Variants in NR4A1 observed in about 807,000 individuals in gnomAD.
The protein encoded by NR4A1 is nuclear receptor subfamily 4immunitygroup A member 1.
Under a neutral mutation model 47.5 loss-of-function variants are expected in NR4A1, and 24 were observed. That is an observed-to-expected ratio of 0.50 (90% CI 0.37 to 0.71). The LOEUF (loss-of-function observed/expected upper bound fraction) is 0.71. Ranked by LOEUF, NR4A1 falls within the 30% of genes least tolerant of loss-of-function variation. The pLI, the probability that NR4A1 is intolerant of heterozygous loss-of-function variation, is 0.00. For missense variants in NR4A1, 669 were observed against 788.6 expected (o/e 0.85, Z 1.82); for synonymous variants, 353 against 345.7 (o/e 1.02, Z -0.24).
intron 1 of NR4A1, chr12:52,037,949 T>C (rs1318977742): frequency 7.6e-6 from 3 of 392,684 alleles, no homozygotes; most frequent in African/African-American, 5.8e-5. Context: ...ATCTTCCTTA[T>C]ACTGGGTGGG....
chr12:52,056,357 A>C (rs906092083), intron 3 of NR4A1, 137 bp from the exon 4 acceptor site: 26 of 1,390,356 alleles, frequency 1.9e-5, no homozygotes, highest in Non-Finnish European at 2.5e-5. Flanking sequence ...GGAGGTTCCT[A>C]TAGGGTACCT....
chr12:52,039,259 T>G (rs1334057076), intron 1 of NR4A1, among the ~76,000 whole-genome samples: 1 of 152,230 alleles, frequency 6.6e-6, no homozygotes, highest in Non-Finnish European at 1.5e-5. Flanking sequence ...AATAGTAATA[T>G]GCCCACTTCT....
rs558203081 is a variant in NR4A1, at chr12:52,055,525, A to C, written c.876+321A>C. 9.3e-5 allele frequency: 52 copies of C among 560,702 alleles called. 1 individual carries two copies. In the South Asian group the frequency reaches 1.3e-3, roughly 14 times the overall value. 34.7% of individuals were successfully genotyped at this position (560,702 alleles called of 1,614,324 possible). ...CCTCTGCCTGTCCTCTCCCAACTCA[A>C]GGTTCTAGTGGGAAGGGGTGCCCCC... On this transcript the variant is annotated intron_variant, in intron 2 of 6. Coordinates refer to ENST00000394825, the MANE Select transcript of NR4A1 (RefSeq NM_173157.3).
intron 1 of NR4A1, among the ~76,000 whole-genome samples, chr12:52,034,899 G>C (rs1021365009): frequency 1.2e-4 from 18 of 152,220 alleles, no homozygotes; most frequent in African/African-American, 4.3e-4. Context: ...TGATGTGCCA[G>C]ACTCCGCTTC....
At chr12:52,051,368 C>A (rs1188649685), upstream of NR4A1, 9 of 985,036 alleles carry the variant, frequency 9.1e-6, no homozygotes, top group African/African-American at 1.7e-5. Flanking sequence ...CGACGGGCGG[C>A]CTGCGTCAGT....
intron 1 of NR4A1, 96 bp from the exon 2 acceptor site, chr12:52,054,231 C>A: frequency 9.4e-7 from 1 of 1,067,896 alleles, no homozygotes. Context: ...GGATTCCTGC[C>A]ACCTTGCTGC....
chr12:52,052,751 G>C lies in NR4A1; in HGVS notation c.-3+1183G>C, dbSNP rs1939052204. ...AGGTGGAGAAACAGGATTTGAATAA[G>C]GCAGGAACAAGCGCCCAGTTCTGCC... On this transcript the variant is annotated intron_variant, in intron 1 of 6. Transcript: ENST00000394825. The C allele has an allele frequency of 3.7e-6, 3 of 806,246 alleles. No homozygotes were observed. The Admixed American group carries it at 1.9e-4, about 50-fold the overall frequency. 49.9% of individuals were successfully genotyped at this position (806,246 alleles called of 1,614,324 possible). A position where few individuals can be genotyped will look rare whatever the true frequency, so the allele number is the denominator to read the frequency against.
chr12:52,045,633 A>G, intron 2 of NR4A1: 2 of 405,054 alleles, frequency 4.9e-6, no homozygotes, highest in Non-Finnish European at 1.0e-5. Flanking sequence ...AGGACAAGGG[A>G]CTGGCCTCAG....
chr12:52,047,342 TCA>T (rs1378561665), upstream of NR4A1, among the ~76,000 whole-genome samples: 1 of 152,152 alleles, frequency 6.6e-6, no homozygotes, highest in East Asian at 1.9e-4. Flanking sequence ...CCCCACTCTC[TCA>T]GAGGCCCAGG....
At chr12:52,040,837 C>G (rs1405507234) in intron 1 of NR4A1, among the ~76,000 whole-genome samples, 1 of 152,248 alleles carries the variant, frequency 6.6e-6, no homozygotes, top group African/African-American at 2.4e-5. Flanking sequence ...CAGACCTCAT[C>G]TCAGTCTGAA....
At chr12:52,044,074 C>T (rs757451605) in intron 2 of NR4A1, among the ~76,000 whole-genome samples, 1 of 152,190 alleles carries the variant, frequency 6.6e-6, no homozygotes, top group Non-Finnish European at 1.5e-5. Context: ...AGCTGGATGA[C>T]GGTAGTTGGA....
Position 52,055,010 on chromosome 12 carries a change from A to G in NR4A1, c.682A>G (p.Thr228Ala). The change falls in exon 2 of 7, where the codon ACG becomes GCG. Residue 228 changes from threonine (T) to alanine (A), a missense_variant. Coordinates refer to ENST00000394825, the MANE Select transcript of NR4A1 (RefSeq NM_173157.3). ...LGEGESYSMP[T>A]AFPGLAPTSP... The stretch of plus-strand genomic sequence containing the variant: ...GGAGGGAGAGAGCTATTCCATGCCT[A>G]CGGCCTTCCCAGGTTTGGCACCCAC... The G allele has an allele frequency of 6.2e-7, 1 of 1,614,118 alleles. No individual in the cohort carries two copies. Among genetic ancestry groups the G allele is most frequent in the Non-Finnish European group, 8.5e-7 (1 of 1,180,016 alleles).
At chr12:52,039,211 T>C (rs925748865) in intron 1 of NR4A1, among the ~76,000 whole-genome samples, 2 of 152,200 alleles carry the variant, frequency 1.3e-5, no homozygotes, top group Non-Finnish European at 1.5e-5. Flanking sequence ...CTGGCACATG[T>C]TGTTTAACAA....
At chr12:52,028,402 C>T (rs1372776525) in intron 1 of NR4A1, among the ~76,000 whole-genome samples, 1 of 149,816 alleles carries the variant, frequency 6.7e-6, no homozygotes, top group Non-Finnish European at 1.5e-5. Context: ...AGTGAAACCC[C>T]GTCTTTACTA....
chr12:52,048,542 C>G (rs569928290), upstream of NR4A1, among the ~76,000 whole-genome samples: 12 of 152,102 alleles, frequency 7.9e-5, no homozygotes, highest in Admixed American at 1.3e-4. Context: ...TGCAGTGAGC[C>G]GAGATAGTGC....
chr12:52,058,606 G>A, intron 6 of NR4A1, 82 bp from the exon 7 acceptor site: 1 of 1,444,026 alleles, frequency 6.9e-7, no homozygotes, highest in East Asian at 2.5e-5. Flanking sequence ...GTCAGGGGCA[G>A]CAGTTTTAGG....
intron 1 of NR4A1, among the ~76,000 whole-genome samples, chr12:52,029,974 GCTGC>G (rs1938085036): frequency 6.6e-6 from 1 of 152,208 alleles, no homozygotes. Context: ...CAGGGCGGTG[GCTGC>G]TGGCCAGCAG....
chr12:52,033,687 C>G (rs930811639), intron 1 of NR4A1, among the ~76,000 whole-genome samples: 19 of 152,196 alleles, frequency 1.2e-4, no homozygotes, highest in African/African-American at 4.6e-4. Context: ...TCTGGACAGC[C>G]CCTGAGCCCT....
At chr12:52,042,301 C>T (rs1211284906) in intron 2 of NR4A1, among the ~76,000 whole-genome samples, 1 of 151,906 alleles carries the variant, frequency 6.6e-6, no homozygotes, top group Non-Finnish European at 1.5e-5. Context: ...ATGGGGCAGA[C>T]GTGGCAGCGG....
Sources: allele counts gnomAD v4.1 joint callset (sites outside exome capture counted in the v4.1 genomes callset), GRCh38; gene constraint gnomAD v4.1.1; transcripts MANE v1.5; gene names NCBI Gene and HGNC (gene_info 2026-07-23, HGNC 2026-07-21).